The following CREG2 variants were observed in gnomAD, a reference collection of about 807,000 sequenced individuals.
CREG2 encodes the protein protein CREG2.
A neutral mutation model predicts 26.2 loss-of-function variants in CREG2; 24 were observed. That is an observed-to-expected ratio of 0.92 (90% CI 0.66 to 1.29). The LOEUF (loss-of-function observed/expected upper bound fraction) is 1.29. Ranked by LOEUF, CREG2 falls within the 50% of genes most tolerant of loss-of-function variation. The probability of loss-of-function intolerance (pLI) is 0.00; values close to 1 mark genes in which losing one functional copy is unlikely to be tolerated. For missense variants in CREG2, 366 were observed against 398.6 expected, an observed-to-expected ratio of 0.92 and a Z score of 0.70; for synonymous variants, 174 against 169.2, an observed-to-expected ratio of 1.03 and a Z score of -0.22.
intron 2 of CREG2, chr2:101,382,047 G>T (rs1395646978): frequency 6.6e-6 from 1 of 152,270 alleles, no homozygotes. Flanking sequence ...TTTGTCCCAA[G>T]TATATATTCT....
At chr2:101,367,270 A>G (rs75768147) in intron 2 of CREG2, among the ~76,000 whole-genome samples, 3,051 of 152,150 alleles carry the variant, frequency 0.02, 196 homozygotes, top group East Asian at 0.16. Context: ...CGAACAGTCC[A>G]CTCTTGAGAG....
intron 2 of CREG2, among the ~76,000 whole-genome samples, chr2:101,362,856 T>A (rs1352579445): frequency 1.3e-5 from 2 of 152,144 alleles, no homozygotes; most frequent in Non-Finnish European, 2.9e-5. Context: ...AAAAGCCTGA[T>A]CCAGGCTCTC....
At chr2:101,368,181 G>A (rs527835422) in intron 2 of CREG2, among the ~76,000 whole-genome samples, 2 of 152,022 alleles carry the variant, frequency 1.3e-5, no homozygotes, top group African/African-American at 4.8e-5. Flanking sequence ...CCAGCTACTT[G>A]GGAGACTGAG....
chr2:101,361,162 A>G (rs1018903449), intron 2 of CREG2, among the ~76,000 whole-genome samples: 4 of 152,234 alleles, frequency 2.6e-5, no homozygotes, highest in African/African-American at 9.6e-5. Context: ...AATTACATAG[A>G]AATAAAAAGG....
chr2:101,363,851 A>AACACAC (rs5832961), intron 2 of CREG2, among the ~76,000 whole-genome samples: 2,998 of 146,032 alleles, frequency 0.021, 32 homozygotes, highest in Non-Finnish European at 0.024. Flanking sequence ...CCCTGTCTCA[A>AACACAC]ACACACACAC....
rs1018203826 is a variant in CREG2, at chr2:101,349,224, A to C, written c.*1699T>G. 2 of 152,598 alleles carry C rather than the reference A, an allele frequency of 1.3e-5. No homozygotes were observed. The highest frequency in any genetic ancestry group is 4.8e-5 in the African/African-American group (2 of 41,430). 9.5% of individuals were successfully genotyped at this position (152,598 alleles called of 1,614,324 possible). A position where few individuals can be genotyped will look rare whatever the true frequency, so the allele number is the denominator to read the frequency against. ...TTTTTCTAAATTGGGAGTAGCAATAATTTTAAACTCTGAAAATATAAAATT... is the reference window on the plus strand; with the variant it reads ...TTTTTCTAAATTGGGAGTAGCAATACTTTTAAACTCTGAAAATATAAAATT... On this transcript the variant is annotated 3_prime_UTR_variant, in exon 4 of 4. Transcript: ENST00000324768.
In CREG2 at chr2:101,349,577, C is replaced by T. The variant is rs932606831; in HGVS notation, c.*1346G>A. The T allele has an allele frequency of 1.3e-5, 2 of 152,512 alleles. No homozygotes were observed. Among genetic ancestry groups the T allele is most frequent in the Non-Finnish European group, 2.9e-5 (2 of 68,024 alleles). 9.4% of individuals were successfully genotyped at this position (152,512 alleles called of 1,614,324 possible). On this transcript the variant is annotated 3_prime_UTR_variant, in exon 4 of 4. Transcript: ENST00000324768. ...ACAGAAAACTTGGGACAGCTCAACC[C>T]TTTATAGGTTTTAATGATCAGAGGT...
In CREG2 at chr2:101,387,250, A is replaced by G; in HGVS notation, c.208T>C (p.Trp70Arg). The part of the protein sequence containing the change: ...PALLEDSGSI[W>R]QQSFPASAHK... ...GCAGAGGCGGGGAAGCTTTGCTGCC[A>G]GATGCTGCCCGAATCCTCTAGCAGC... The change falls in exon 1 of 4, where the codon TGG becomes CGG. Residue 70 changes from tryptophan to arginine, a missense_variant. Transcript: ENST00000324768. The surrounding 1 kb of genome is among the most constrained non-coding windows in gnomAD (Gnocchi z 4.7). The G allele has an allele frequency of 6.9e-7, 1 of 1,453,084 alleles. No individual in the cohort carries two copies. Among genetic ancestry groups the G allele is most frequent in the African/African-American group, 1.5e-5 (1 of 68,362 alleles). 90.0% of individuals were successfully genotyped at this position (1,453,084 alleles called of 1,614,324 possible). A position where few individuals can be genotyped will look rare whatever the true frequency, so the allele number is the denominator to read the frequency against.
intron 2 of CREG2, among the ~76,000 whole-genome samples, chr2:101,363,905 G>A (rs2104475339): frequency 6.6e-6 from 1 of 151,362 alleles, no homozygotes; most frequent in Admixed American, 6.6e-5. Flanking sequence ...CAGGAAGAAA[G>A]GAAGTGGATT....
intron 3 of CREG2, among the ~76,000 whole-genome samples, chr2:101,353,520 T>G (rs1158499377): frequency 6.6e-6 from 1 of 152,188 alleles, no homozygotes; most frequent in African/African-American, 2.4e-5. Flanking sequence ...TTGGTGGGAA[T>G]GTAAATTACT....
At chr2:101,355,718 G>C (rs982701043) in intron 2 of CREG2, among the ~76,000 whole-genome samples, 2 of 151,610 alleles carry the variant, frequency 1.3e-5, no homozygotes, top group Non-Finnish European at 2.9e-5. Flanking sequence ...GGTGGGGTTC[G>C]GGGGGGTGGG....
At position 101,383,598 on chromosome 2, in the gene CREG2, C is replaced by T. The variant is rs747886184; in HGVS notation, c.546G>A (p.Val182=). Residue 182 remains valine (V), a synonymous_variant, in exon 2 of 4, where the codon GTG becomes GTA. Coordinates refer to ENST00000324768, the MANE Select transcript of CREG2 (RefSeq NM_153836.4). ...FFYMTAKDPV[V]ADLMKNPMAS... is the part of the protein sequence containing the mutation. ...CCATGGGGTTCTTCATCAGATCAGC[C>T]ACCACGGGGTCCTTGGCTGTCATGT... 1.7e-5 allele frequency: 28 copies of T among 1,614,180 alleles called. No individual in the cohort carries two copies. In the East Asian group the frequency reaches 5.8e-4, roughly 33 times the overall value.
chr2:101,373,045 T>C lies in CREG2; in HGVS notation c.611+10488A>G, dbSNP rs1381013743. Reference sequence around the variant, plus strand: ...AACCCTCATACATTTAGGAAAACAGTTGGGCAGTTCTCCAAAAAGTTAAAC... The same window carrying C: ...AACCCTCATACATTTAGGAAAACAGCTGGGCAGTTCTCCAAAAAGTTAAAC... On this transcript the variant is annotated intron_variant, in intron 2 of 3. Transcript: ENST00000324768. 2.0e-5 allele frequency among the ~76,000 whole-genome samples: 3 copies of C among 152,124 alleles called. No individual in the cohort carries two copies. The East Asian group carries it at 5.8e-4, about 29-fold the overall frequency.
intron 2 of CREG2, among the ~76,000 whole-genome samples, chr2:101,371,918 C>T (rs1251324273): frequency 1.3e-5 from 2 of 151,882 alleles, no homozygotes; most frequent in Non-Finnish European, 2.9e-5. Context: ...AACTCTAGTC[C>T]GTAGGACTAG....
chr2:101,354,964 C>T (rs1286302519), intron 3 of CREG2, among the ~76,000 whole-genome samples: 1 of 151,766 alleles, frequency 6.6e-6, no homozygotes, highest in African/African-American at 2.4e-5. Context: ...GTTGTGTTGA[C>T]GAGGAAGGCT....
chr2:101,355,242 C>A lies in CREG2; in HGVS notation c.725+11G>T, dbSNP rs1684438144. The stretch of plus-strand genomic sequence containing the variant: ...ATTTCTGGGCATATAAATTTTAAAG[C>A]ATTTACACACCTTGAAAACATGGCT... On this transcript the variant is annotated intron_variant, in intron 3 of 3. Coordinates refer to ENST00000324768, the MANE Select transcript of CREG2 (RefSeq NM_153836.4). 1.3e-6 allele frequency: 2 copies of A among 1,542,920 alleles called. No individual in the cohort carries two copies. Among genetic ancestry groups the A allele is most frequent in the Admixed American group, 3.3e-5 (2 of 59,858 alleles).
chr2:101,370,234 T>C (rs1684683864), intron 2 of CREG2, among the ~76,000 whole-genome samples: 1 of 152,338 alleles, frequency 6.6e-6, no homozygotes, highest in African/African-American at 2.4e-5. Flanking sequence ...ATGTATACCA[T>C]ATACTGTTCC....
At chr2:101,383,805 AG>A in intron 1 of CREG2, 103 bp from the exon 2 acceptor site, 2 of 1,094,358 alleles carry the variant, frequency 1.8e-6, no homozygotes, top group Non-Finnish European at 1.3e-6. Flanking sequence ...ACCAGGGATG[AG>A]GGGGGATCAT....
intron 1 of CREG2, among the ~76,000 whole-genome samples, chr2:101,386,496 A>C (rs1045591532): frequency 1.3e-5 from 2 of 152,256 alleles, no homozygotes; most frequent in African/African-American, 4.8e-5. Context: ...TTGCATAATA[A>C]GCCTCCTTTC....
Sources: gnomAD v4.1 joint callset for allele counts (sites outside exome capture counted in the v4.1 genomes callset) on GRCh38, gnomAD v4.1.1 for gene constraint, Gnocchi (gnomAD v3.1) non-coding constraint, MANE v1.5 for transcripts, NCBI Gene and HGNC (gene_info 2026-07-23, HGNC 2026-07-21) for gene names.